SENP1: variants seen among roughly 807,000 people sequenced by gnomAD.
SENP1 encodes sentrin-specific protease 1.
In SENP1, 21 loss-of-function variants were observed where a neutral mutation model predicts 93.0. The ratio of observed to expected loss-of-function variants is 0.23; its 90% CI spans 0.16 to 0.33. The LOEUF is 0.33. Ranked by LOEUF, SENP1 falls within the 10% of genes least tolerant of loss-of-function variation. SENP1 has a pLI of 1.00. For synonymous variants in SENP1, 256 were observed against 259.6 expected (o/e 0.99, Z 0.13); for missense variants, 591 against 758.7 (o/e 0.78, Z 2.60).
At chr12:48,078,857 G>T (rs1343587472) in intron 6 of SENP1, among the ~76,000 whole-genome samples, 1 of 152,116 alleles carries the variant, frequency 6.6e-6, no homozygotes, top group Non-Finnish European at 1.5e-5. Context: ...AACTGTTTTT[G>T]TTGTTGTTGT....
At chr12:48,052,571 T>A (rs1231369843) in intron 13 of SENP1, among the ~76,000 whole-genome samples, 1 of 152,204 alleles carries the variant, frequency 6.6e-6, no homozygotes, top group Non-Finnish European at 1.5e-5. Context: ...ATAGTATGGT[T>A]CAGGTCATTC....
At chr12:48,090,545 G>A (rs1565799462) in intron 4 of SENP1, among the ~76,000 whole-genome samples, 1 of 152,208 alleles carries the variant, frequency 6.6e-6, no homozygotes, top group East Asian at 1.9e-4. Context: ...TTCTATTGCT[G>A]ATGGGATCAA....
intron 13 of SENP1, among the ~76,000 whole-genome samples, chr12:48,058,253 C>A (rs1473504652): frequency 1.3e-5 from 2 of 152,070 alleles, no homozygotes; most frequent in African/African-American, 2.4e-5. Flanking sequence ...GCCCATTTTA[C>A]TTTTTTAAAA....
chr12:48,070,344 T>TA (rs1440138051), intron 9 of SENP1, among the ~76,000 whole-genome samples: 2 of 152,212 alleles, frequency 1.3e-5, no homozygotes, highest in Non-Finnish European at 2.9e-5. Context: ...ATGACCACCC[T>TA]ATACAAATAG....
Position 48,068,922 on chromosome 12 carries a change from G to A in SENP1, c.996-1957C>T, listed in dbSNP as rs148094482. 4.7e-3 allele frequency among the ~76,000 whole-genome samples: 722 copies of A among 152,186 alleles called. 7 individuals carry two copies. Among genetic ancestry groups the A allele is most frequent in the African/African-American group, 0.016 (648 of 41,564 alleles). On this transcript the variant is annotated intron_variant, in intron 9 of 17. Coordinates refer to ENST00000549518, the MANE Select transcript of SENP1 (RefSeq NM_001267594.2). The stretch of plus-strand genomic sequence containing the variant: ...AATCCCAGCACTTTGGGAGGCTGAG[G>A]TGGGTGGAACACCGGAGGTCAGGAG...
At chr12:48,073,978 T>C (rs1204906676) in intron 8 of SENP1, among the ~76,000 whole-genome samples, 1 of 152,220 alleles carries the variant, frequency 6.6e-6, no homozygotes, top group Non-Finnish European at 1.5e-5. Flanking sequence ...ATCATATGTA[T>C]TTAAAGTATG....
At chr12:48,078,022 C>T (rs1427710041) in intron 6 of SENP1, among the ~76,000 whole-genome samples, 1 of 151,730 alleles carries the variant, frequency 6.6e-6, no homozygotes, top group Non-Finnish European at 1.5e-5. Flanking sequence ...AGTAGTATGG[C>T]CATTTAAACA....
At chr12:48,105,344 C>G (rs1946427361) in intron 1 of SENP1, 1 of 517,044 alleles carries the variant, frequency 1.9e-6, no homozygotes. Flanking sequence ...AGAAACGAGG[C>G]ATAGATCCAG....
At chr12:48,046,273 G>A (rs1941354961) in intron 17 of SENP1, 83 bp downstream of exon 17, 2 of 913,616 alleles carry the variant, frequency 2.2e-6, no homozygotes, top group East Asian at 2.4e-5. Flanking sequence ...GGCCCCTAAA[G>A]AGAACAACTG....
At chr12:48,102,506 C>T (rs1469318154) in intron 1 of SENP1, among the ~76,000 whole-genome samples, 1 of 150,090 alleles carries the variant, frequency 6.7e-6, no homozygotes, top group African/African-American at 2.4e-5. Flanking sequence ...ATAAACATAT[C>T]CTCGGCACAT....
At chr12:48,094,022 G>A (rs1221179512) in intron 4 of SENP1, among the ~76,000 whole-genome samples, 2 of 152,170 alleles carry the variant, frequency 1.3e-5, no homozygotes, top group South Asian at 2.1e-4. Flanking sequence ...ATCATGCAAT[G>A]TGTATGAGGT....
At chr12:48,048,819 CTCTT>C (rs912752464) in intron 14 of SENP1, 106 bp downstream of exon 14, 30 of 771,864 alleles carry the variant, frequency 3.9e-5, no homozygotes, top group Admixed American at 3.7e-4. Flanking sequence ...CTACTAAACA[CTCTT>C]TCTCTCAATA....
intron 1 of SENP1, 144 bp from the exon 2 acceptor site, chr12:48,101,660 GAA>G (rs1172704137): frequency 7.2e-6 from 4 of 553,426 alleles, no homozygotes; most frequent in Admixed American, 3.9e-5. Flanking sequence ...GACTTGATGG[GAA>G]AAGAGTAAAA....
intron 2 of SENP1, among the ~76,000 whole-genome samples, chr12:48,100,065 GGAAA>G (rs1945819871): frequency 6.6e-6 from 1 of 152,114 alleles, no homozygotes; most frequent in Admixed American, 6.6e-5. Context: ...CTAAGGAAAA[GGAAA>G]ACACAGAATA....
At chr12:48,095,897 C>T (rs748692997) in intron 4 of SENP1, among the ~76,000 whole-genome samples, 12 of 152,158 alleles carry the variant, frequency 7.9e-5, no homozygotes, top group Non-Finnish European at 1.5e-4. Context: ...TAGACAGAAA[C>T]ATGTAGTTAA....
chr12:48,060,950 C>A (rs529451961), intron 13 of SENP1, among the ~76,000 whole-genome samples: 4 of 152,268 alleles, frequency 2.6e-5, no homozygotes, highest in Admixed American at 2.0e-4. Flanking sequence ...TCCTGTCAAT[C>A]ATTAGTCCTT....
At chr12:48,069,152 C>CAAAAAAAAAAA (rs10564674) in intron 9 of SENP1, among the ~76,000 whole-genome samples, 31 of 76,336 alleles carry the variant, frequency 4.1e-4, no homozygotes, top group African/African-American at 5.1e-4. Flanking sequence ...GACTCTGTCA[C>CAAAAAAAAAAA]AAAAAAAAAA....
At chr12:48,076,103 T>C (rs982623969) in intron 6 of SENP1, among the ~76,000 whole-genome samples, 1 of 152,252 alleles carries the variant, frequency 6.6e-6, no homozygotes. Context: ...ACAGGTCCCC[T>C]GACTCAATGG....
At chr12:48,057,542 A>T (rs1348333441) in intron 13 of SENP1, among the ~76,000 whole-genome samples, 1 of 143,512 alleles carries the variant, frequency 7.0e-6, no homozygotes, top group Non-Finnish European at 1.5e-5. Context: ...TATTATATAT[A>T]TTTTTATGTA....
Sources: gnomAD v4.1 joint callset for allele counts (sites outside exome capture counted in the v4.1 genomes callset) on GRCh38, gnomAD v4.1.1 for gene constraint, MANE v1.5 for transcripts, NCBI Gene and HGNC (gene_info 2026-07-23, HGNC 2026-07-21) for gene names.